Variants in CELSR1 observed in about 807,000 individuals in gnomAD.
CELSR1 encodes the protein adhesion G protein-coupled receptor C1.
A neutral mutation model predicts 249.1 loss-of-function variants in CELSR1; 110 were observed. That is an observed-to-expected ratio of 0.44 (90% CI 0.38 to 0.52). CELSR1 has a LOEUF of 0.52. Among genes scored for constraint, CELSR1 ranks in the 20% least tolerant of loss-of-function variants. The pLI, the probability that CELSR1 is intolerant of heterozygous loss-of-function variation, is 0.00. For synonymous variants in CELSR1, 2,113 were observed against 1,900.0 expected (o/e 1.11, Z -2.92); for missense variants, 4,109 against 4,296.4 (o/e 0.96, Z 1.22).
intron 1 of CELSR1, among the ~76,000 whole-genome samples, chr22:46,510,528 C>A (rs936852278): frequency 2.0e-5 from 3 of 152,224 alleles, no homozygotes; most frequent in Non-Finnish European, 4.4e-5. Flanking sequence ...GCCATGACAA[C>A]CCCTGCCAAC....
intron 5 of CELSR1, among the ~76,000 whole-genome samples, chr22:46,416,008 C>T (rs922937698): frequency 6.6e-6 from 1 of 150,786 alleles, no homozygotes; most frequent in Non-Finnish European, 1.5e-5. Flanking sequence ...CAGCTCCCGA[C>T]TGTGGGGTGG....
At chr22:46,369,657 G>C in intron 26 of CELSR1, 35 bp downstream of exon 26, 5 of 1,588,478 alleles carry the variant, frequency 3.1e-6, no homozygotes, top group Non-Finnish European at 4.3e-6. Flanking sequence ...TGCATGTTTG[G>C]GGCACCCGGA....
chr22:46,536,971 A>G lies in CELSR1; in HGVS notation c.200T>C (p.Val67Ala). The change falls in exon 1 of 35, where the codon GTG (valine) becomes GCG (alanine). Residue 67 changes from valine (V) to alanine (A), a missense_variant. Physicochemically the swap from Val to Ala is moderately conservative, Grantham distance 64 (BLOSUM62 0). This residue lies in a region of CELSR1 where 673 missense variants were observed against 636.8 expected (regional missense o/e 1.06). Transcript: ENST00000674500. ...TPRAPRELLD[V>A]GRDGRLAGRR... is the part of the protein sequence containing the mutation. ...TCCTGCCAGCCGCCCATCGCGGCCC[A>G]CGTCCAGCAGCTCCCGCGGCGCCCG... The G allele has an allele frequency of 8.8e-7, 1 of 1,142,666 alleles. No homozygotes were observed. Among genetic ancestry groups the G allele is most frequent in the East Asian group, 4.9e-5 (1 of 20,260 alleles). 70.8% of individuals were successfully genotyped at this position (1,142,666 alleles called of 1,614,324 possible). A position where few individuals can be genotyped will look rare whatever the true frequency, so the allele number is the denominator to read the frequency against.
intron 23 of CELSR1, among the ~76,000 whole-genome samples, 200 bp downstream of exon 23, chr22:46,378,391 C>G (rs543227760): frequency 6.6e-6 from 1 of 152,150 alleles, no homozygotes; most frequent in African/African-American, 2.4e-5. Context: ...GGCCAATCCT[C>G]GAATATGTGT....
intron 1 of CELSR1, among the ~76,000 whole-genome samples, chr22:46,528,399 G>A (rs533809566): frequency 1.3e-5 from 2 of 152,226 alleles, no homozygotes; most frequent in East Asian, 1.9e-4. Flanking sequence ...TGACTCATCC[G>A]CCAATCATTC....
intron 9 of CELSR1, among the ~76,000 whole-genome samples, chr22:46,400,571 C>T (rs1293794011): frequency 2.0e-5 from 3 of 152,050 alleles, no homozygotes; most frequent in African/African-American, 7.2e-5. Context: ...TGGGAGTCTA[C>T]TAGAGGTTGC....
chr22:46,364,808 C>CAGAGCCACCAGACCCA, intron 32 of CELSR1, 72 bp from the exon 33 acceptor site: 6 of 1,441,358 alleles, frequency 4.2e-6, no homozygotes, highest in Non-Finnish European at 5.6e-6. Context: ...AGCCATGGGT[C>CAGAGCCACCAGACCCA]TGGTGGCTCT....
At chr22:46,460,524 G>A (rs796111246) in intron 2 of CELSR1, among the ~76,000 whole-genome samples, 16 of 152,296 alleles carry the variant, frequency 1.1e-4, no homozygotes, top group African/African-American at 3.9e-4. Context: ...GGACCCACAG[G>A]AGCCAAGTCA....
In CELSR1 at chr22:46,391,165, A is replaced by T; in HGVS notation, c.6250+21T>A. On this transcript the variant is annotated intron_variant, in intron 16 of 34. Coordinates refer to ENST00000674500, the MANE Select transcript of CELSR1 (RefSeq NM_001378328.1). This position sits in a 1 kb window ranked among gnomAD's most constrained non-coding sequence, Gnocchi z 4.3. The stretch of plus-strand genomic sequence containing the variant: ...AAGGACGCCTGCCTCAGTTCCCTAC[A>T]CACAGGCCACGGCGACTCACCAACG... 6.2e-7 allele frequency: 1 copy of T among 1,602,478 alleles called. No homozygotes were observed. Among genetic ancestry groups the T allele is most frequent in the Non-Finnish European group, 8.5e-7 (1 of 1,172,490 alleles).
At position 46,490,362 on chromosome 22, in the gene CELSR1, C is replaced by G. The variant is rs2080355743; in HGVS notation, c.3545-26017G>C. Among the ~76,000 whole-genome samples, 1 of 152,214 alleles carries G rather than the reference C, an allele frequency of 6.6e-6. No homozygotes were observed. Among genetic ancestry groups the G allele is most frequent in the Admixed American group, 6.5e-5 (1 of 15,284 alleles). The stretch of plus-strand genomic sequence containing the variant: ...AGTACAGCGGCGCAATCTTGGCTCA[C>G]TCCAACCTCCGCCTCCCGAGTTCAA... On this transcript the variant is annotated intron_variant, in intron 1 of 34. Transcript: ENST00000674500. This position sits in a 1 kb window ranked among gnomAD's most constrained non-coding sequence, Gnocchi z 5.2.
intron 5 of CELSR1, among the ~76,000 whole-genome samples, chr22:46,418,419 A>G (rs2079427795): frequency 6.6e-6 from 1 of 152,206 alleles, no homozygotes; most frequent in Non-Finnish European, 1.5e-5. Context: ...CGGGAGACGG[A>G]GGTTGCAGTG....
Position 46,415,137 on chromosome 22 carries a change from A to G in CELSR1, c.4612-3378T>C, listed in dbSNP as rs536134973. ...GGGAGGAGGATGGGGGGTGACTGCT[A>G]ATGGTATGGGGTGATGAAAATACTT... On this transcript the variant is annotated intron_variant, in intron 5 of 34. Transcript: ENST00000674500. Among the ~76,000 whole-genome samples the G allele has an allele frequency of 3.9e-5, 6 of 152,244 alleles. No individual in the cohort carries two copies. The East Asian group carries it at 7.7e-4, about 20-fold the overall frequency.
chr22:46,394,036 TGA>T, intron 14 of CELSR1, 104 bp downstream of exon 14: 2 of 1,428,222 alleles, frequency 1.4e-6, no homozygotes, highest in South Asian at 2.6e-5. Flanking sequence ...TGCAGGGGTG[TGA>T]GTGTGTACCG....
chr22:46,444,669 CG>C (rs1325200636), intron 2 of CELSR1, among the ~76,000 whole-genome samples: 1 of 152,150 alleles, frequency 6.6e-6, no homozygotes, highest in East Asian at 1.9e-4. Context: ...CCGTGGCTGC[CG>C]TAACAGATGA....
chr22:46,410,542 G>T lies in CELSR1; in HGVS notation c.4789C>A (p.Pro1597Thr). 1.9e-6 allele frequency: 3 copies of T among 1,613,954 alleles called. No individual in the cohort carries two copies. Among genetic ancestry groups the T allele is most frequent in the Non-Finnish European group, 2.5e-6 (3 of 1,179,968 alleles). ...GSKKSLDLTGPLLLGGVPNLP... is the reference protein window; with the variant it reads ...GSKKSLDLTGTLLLGGVPNLP... The stretch of plus-strand genomic sequence containing the variant: ...TTGGGGACACCCCCCAGGAGTAGAG[G>T]GCCGGTCAGATCCAGGGACCTGGGT... Residue 1597 changes from proline to threonine, a missense_variant, in exon 7 of 35, where the codon CCT (proline) becomes ACT (threonine). By Grantham distance (38) the Pro-to-Thr change is conservative (BLOSUM62 -1). Transcript: ENST00000674500. This position sits in a 1 kb window ranked among gnomAD's most constrained non-coding sequence, Gnocchi z 6.8.
At chr22:46,462,878 A>C (rs766273845) in intron 2 of CELSR1, 2 of 466,800 alleles carry the variant, frequency 4.3e-6, no homozygotes, top group Middle Eastern at 6.5e-4. Flanking sequence ...GGTATCAAGG[A>C]AAGAGCATCT....
At chr22:46,456,924 T>A (rs910893752) in intron 2 of CELSR1, among the ~76,000 whole-genome samples, 8 of 151,592 alleles carry the variant, frequency 5.3e-5, no homozygotes, top group Non-Finnish European at 1.2e-4. Flanking sequence ...TACAGGACAA[T>A]TGCTATTGTC....
In CELSR1 at chr22:46,472,285, C is replaced by T. The variant is rs1037508154; in HGVS notation, c.3545-7940G>A. ...TGGGACCTGTCCAGTCCCCGACTTT[C>T]GTGAAAGACTCTGCAGTAAGATAAA... On this transcript the variant is annotated intron_variant, in intron 1 of 34. Coordinates refer to ENST00000674500, the MANE Select transcript of CELSR1 (RefSeq NM_001378328.1). The surrounding 1 kb of genome is among the most constrained non-coding windows in gnomAD (Gnocchi z 7.0). Among the ~76,000 whole-genome samples the T allele has an allele frequency of 1.3e-5, 2 of 152,178 alleles. No individual in the cohort carries two copies. Among genetic ancestry groups the T allele is most frequent in the East Asian group, 1.9e-4 (1 of 5,186 alleles).
intron 17 of CELSR1, among the ~76,000 whole-genome samples, chr22:46,389,848 G>C (rs1446935817): frequency 6.6e-6 from 1 of 152,148 alleles, no homozygotes; most frequent in Non-Finnish European, 1.5e-5. Context: ...CCAACTACCA[G>C]GGAGGCTGAG....
Sources: gnomAD v4.1 joint callset for allele counts (sites outside exome capture counted in the v4.1 genomes callset) on GRCh38, gnomAD v4.1.1 for gene constraint, gnomAD v4.1.1 regional missense constraint, Gnocchi (gnomAD v3.1) non-coding constraint, MANE v1.5 for transcripts, NCBI Gene and HGNC (gene_info 2026-07-23, HGNC 2026-07-21) for gene names.